CTTN: variants seen among roughly 807,000 people sequenced by gnomAD.
CTTN encodes cortactin.
In CTTN, 28 loss-of-function variants were observed where a neutral mutation model predicts 84.0. The observed-to-expected ratio is 0.33, with a 90% CI of 0.25 to 0.46. CTTN has a LOEUF of 0.46. Among genes scored for constraint, CTTN ranks in the 20% least tolerant of loss-of-function variants. The probability of loss-of-function intolerance (pLI) is 1.00; values close to 1 mark genes in which losing one functional copy is unlikely to be tolerated. For synonymous variants in CTTN, 301 were observed against 288.8 expected (o/e 1.04, Z -0.43); for missense variants, 641 against 723.8 (o/e 0.89, Z 1.31).
At chr11:70,426,053 T>C (rs914676336) in intron 13 of CTTN, among the ~76,000 whole-genome samples, 2 of 152,194 alleles carry the variant, frequency 1.3e-5, no homozygotes, top group African/African-American at 4.8e-5. Flanking sequence ...TTTGACACTT[T>C]GACCACTCGT....
At chr11:70,419,599 A>G (rs1441272768) in intron 8 of CTTN, 147 bp from the exon 9 acceptor site, 10 of 642,630 alleles carry the variant, frequency 1.6e-5, no homozygotes, top group Non-Finnish European at 2.7e-5. Context: ...TTACACATAA[A>G]TAGCACCTTT....
intron 1 of CTTN, among the ~76,000 whole-genome samples, chr11:70,402,218 G>T (rs141639714): frequency 6.6e-5 from 10 of 152,318 alleles, no homozygotes; most frequent in African/African-American, 2.4e-4. Flanking sequence ...ATTACTTCAC[G>T]TTTGTGCAAT....
At chr11:70,404,741 A>G (rs2058023571) in intron 1 of CTTN, among the ~76,000 whole-genome samples, 1 of 152,200 alleles carries the variant, frequency 6.6e-6, no homozygotes. Flanking sequence ...CATGCCTCAC[A>G]CCTGTAATCC....
chr11:70,431,086 C>T, intron 14 of CTTN, 105 bp from the exon 15 acceptor site: 1 of 1,203,526 alleles, frequency 8.3e-7, no homozygotes. Context: ...CACTCCTTTC[C>T]CCAGAGCATG....
intron 8 of CTTN, among the ~76,000 whole-genome samples, chr11:70,419,545 G>A (rs138173670): frequency 3.9e-5 from 6 of 152,274 alleles, no homozygotes; most frequent in African/African-American, 1.4e-4. Context: ...TGGGCTGCAG[G>A]CACACACCCC....
intron 17 of CTTN, 37 bp from the exon 18 acceptor site, chr11:70,434,989 T>G: frequency 5.0e-6 from 8 of 1,610,266 alleles, no homozygotes; most frequent in Non-Finnish European, 6.8e-6. Flanking sequence ...AGGAAACGCT[T>G]GCACTTCAGC....
At chr11:70,408,487 TC>T (rs1272783073) in intron 4 of CTTN, 1 of 152,298 alleles carries the variant, frequency 6.6e-6, no homozygotes, top group East Asian at 1.9e-4. Flanking sequence ...AGCTTTGACT[TC>T]CTGGGTTCAA....
intron 17 of CTTN, among the ~76,000 whole-genome samples, chr11:70,434,321 G>C (rs1367728468): frequency 6.6e-6 from 1 of 152,240 alleles, no homozygotes; most frequent in Admixed American, 6.5e-5. Flanking sequence ...TTGTCCCTCT[G>C]TCTCAGCCAC....
chr11:70,435,278 T>TTTTAGG lies in CTTN; in HGVS notation c.*116_*117insTTTAGG. 1.8e-6 allele frequency: 2 copies of TTTTAGG among 1,113,744 alleles called. No individual in the cohort carries two copies. The highest frequency in any genetic ancestry group is 1.9e-5 in the South Asian group (1 of 52,412). The allele number at this position is 1,113,744 out of a possible 1,614,324, so 69.0% of individuals were successfully genotyped here. ...GTTTTTTTTTTTTTTTTTTTTTTTT[T>TTTTAGG]GAAGGTGGGGAGGGGAATATACACA... On this transcript the variant is annotated 3_prime_UTR_variant, in exon 18 of 18. Transcript: ENST00000301843.
At chr11:70,420,622 T>C in intron 10 of CTTN, 112 bp downstream of exon 10, 1 of 793,338 alleles carries the variant, frequency 1.3e-6, no homozygotes, top group Non-Finnish European at 2.2e-6. Flanking sequence ...TTGTTTTGTC[T>C]TCACTGTTTG....
At chr11:70,418,054 T>C (rs1381319170) in intron 8 of CTTN, among the ~76,000 whole-genome samples, 1 of 152,028 alleles carries the variant, frequency 6.6e-6, no homozygotes, top group Non-Finnish European at 1.5e-5. Flanking sequence ...TTGTTTGGCC[T>C]GCACATTTAA....
At position 70,409,957 on chromosome 11, in the gene CTTN, TA is replaced by T; in HGVS notation, c.290del (p.Lys97SerfsTer41). 6.2e-7 allele frequency: 1 copy of T among 1,613,950 alleles called. No individual in the cohort carries two copies. Among genetic ancestry groups the T allele is most frequent in the Non-Finnish European group, 8.5e-7 (1 of 1,180,012 alleles). On this transcript the variant is annotated frameshift_variant and splice_region_variant, in exon 5 of 18. Transcript: ENST00000301843. LOFTEE classifies it high-confidence loss of function. ...TTGGTGTGGAACAAGACCGAATGGA[TA>T]AGGTAAGTGGCCCGCGGCTGCCTAT... ...KFGVEQDRMD[K>X]SAVGHEYQSK...
chr11:70,399,262 G>A (rs1364614808), intron 1 of CTTN, among the ~76,000 whole-genome samples: 1 of 151,386 alleles, frequency 6.6e-6, no homozygotes, highest in African/African-American at 2.4e-5. Context: ...CAGAGCTACT[G>A]GGATGGGGTC....
At chr11:70,413,282 C>T (rs1227893063) in intron 5 of CTTN, among the ~76,000 whole-genome samples, 2 of 152,162 alleles carry the variant, frequency 1.3e-5, no homozygotes, top group Non-Finnish European at 2.9e-5. Context: ...AGAGGGGTCC[C>T]GATGTGCCGT....
intron 14 of CTTN, among the ~76,000 whole-genome samples, chr11:70,430,712 C>T (rs1198236): frequency 0.21 from 32,460 of 152,194 alleles, 3,751 homozygotes; most frequent in South Asian, 0.28. Context: ...CATGTGCAAA[C>T]ATACTCAGCC....
chr11:70,420,352 C>T, intron 9 of CTTN, 48 bp from the exon 10 acceptor site: 3 of 1,236,084 alleles, frequency 2.4e-6, no homozygotes, highest in East Asian at 2.3e-5. Context: ...CACCTGTGAC[C>T]TGCACTACCT....
At chr11:70,425,976 G>C (rs995925651) in intron 13 of CTTN, among the ~76,000 whole-genome samples, 1 of 152,178 alleles carries the variant, frequency 6.6e-6, no homozygotes, top group African/African-American at 2.4e-5. Flanking sequence ...AGGATGCAGA[G>C]AGCCACCACT....
intron 4 of CTTN, chr11:70,408,319 A>G (rs1428503263): frequency 6.6e-6 from 1 of 152,210 alleles, no homozygotes. Flanking sequence ...TCAGCTGAGA[A>G]AGATTTAGTC....
At chr11:70,420,363 G>A in intron 9 of CTTN, 37 bp from the exon 10 acceptor site, 7 of 1,406,054 alleles carry the variant, frequency 5.0e-6, no homozygotes, top group Non-Finnish European at 5.1e-6. Flanking sequence ...TGCACTACCT[G>A]TTAATGATGG....
Sources: allele counts gnomAD v4.1 joint callset (sites outside exome capture counted in the v4.1 genomes callset), GRCh38; gene constraint gnomAD v4.1.1; transcripts MANE v1.5; gene names NCBI Gene and HGNC (gene_info 2026-07-23, HGNC 2026-07-21).